COL4A6: variants seen among roughly 807,000 people sequenced by gnomAD.
COL4A6 encodes collagen type IV alpha 6 chain.
COL4A6 carries 59 observed loss-of-function variants against 126.7 expected under a neutral mutation model. The ratio of observed to expected loss-of-function variants is 0.47; its 90% CI spans 0.38 to 0.58. The LOEUF (loss-of-function observed/expected upper bound fraction) is 0.58. Among genes scored for constraint, COL4A6 ranks in the 20% least tolerant of loss-of-function variants. The pLI is 0.00. For synonymous variants in COL4A6, 547 were observed against 496.6 expected, an observed-to-expected ratio of 1.10 and a Z score of -1.35; for missense variants, 1,285 against 1,337.3, an observed-to-expected ratio of 0.96 and a Z score of 0.61.
intron 2 of COL4A6, among the ~76,000 whole-genome samples, chrX:108,364,403 T>G (rs1228956004): frequency 9.0e-6 from 1 of 110,964 alleles, no homozygotes; most frequent in East Asian, 2.8e-4. Flanking sequence ...ACATGTTTAA[T>G]GTGACTTTTG....
intron 5 of COL4A6, 135 bp downstream of exon 5, chrX:108,219,563 A>G (rs2035954436): frequency 6.8e-6 from 4 of 584,215 alleles, no homozygotes; most frequent in African/African-American, 2.2e-5. Context: ...TGCCCTTTAA[A>G]CCTCACCATA....
At chrX:108,164,452 A>C in intron 40 of COL4A6, 148 bp downstream of exon 40, 5 of 523,796 alleles carry the variant, frequency 9.5e-6, no homozygotes, top group Non-Finnish European at 1.3e-5. Context: ...TCCCCAAGGT[A>C]GAGAAACTGC....
chrX:108,297,248 G>T (rs1355096656), intron 3 of COL4A6, among the ~76,000 whole-genome samples: 1 of 112,080 alleles, frequency 8.9e-6, no homozygotes, highest in African/African-American at 3.2e-5. Flanking sequence ...TATGTTAATT[G>T]CTTTAAAGGT....
At chrX:108,272,845 C>A (rs1199759950) in intron 3 of COL4A6, among the ~76,000 whole-genome samples, 1 of 110,710 alleles carries the variant, frequency 9.0e-6, no homozygotes, top group Non-Finnish European at 1.9e-5. Flanking sequence ...CAGGTTGTAT[C>A]TCAGATTAAT....
At position 108,244,884 on chromosome X, in the gene COL4A6, T is replaced by C. The variant is rs1054225130; in HGVS notation, c.145-23510A>G. Among the ~76,000 whole-genome samples the C allele has an allele frequency of 2.7e-5, 3 of 111,729 alleles. No individual in the cohort carries two copies. In the South Asian group the frequency reaches 1.1e-3, roughly 42 times the overall value. On this transcript the variant is annotated intron_variant, in intron 3 of 44. Coordinates refer to ENST00000334504, the MANE Select transcript of COL4A6 (RefSeq NM_033641.4). ...CTAGGCTTGACCCAAGGAAAAGAGA[T>C]TTCTCTTTTCAGACACCATTCAGAT...
At chrX:108,292,934 G>A (rs2038200417) in intron 3 of COL4A6, among the ~76,000 whole-genome samples, 1 of 82,476 alleles carries the variant, frequency 1.2e-5, no homozygotes, top group Non-Finnish European at 2.2e-5. Context: ...GGATGACACA[G>A]TGAGATCCCG....
intron 3 of COL4A6, among the ~76,000 whole-genome samples, chrX:108,256,398 C>T (rs931204530): frequency 2.8e-4 from 31 of 111,981 alleles, no homozygotes; most frequent in African/African-American, 9.7e-4. Context: ...TATTATGTGT[C>T]AGGCAAGTGC....
chrX:108,296,682 C>T (rs1242018075), intron 3 of COL4A6, among the ~76,000 whole-genome samples: 1 of 111,768 alleles, frequency 8.9e-6, no homozygotes, highest in East Asian at 2.8e-4. Flanking sequence ...TGCTAACAGT[C>T]GTAGTGATGG....
chrX:108,340,063 A>C (rs772038766), intron 2 of COL4A6, among the ~76,000 whole-genome samples: 4 of 111,504 alleles, frequency 3.6e-5, no homozygotes, highest in Non-Finnish European at 7.5e-5. Context: ...ATAGCTCTGT[A>C]ATGCAGTATT....
At chrX:108,205,039 AG>A (rs2035505376) in intron 11 of COL4A6, among the ~76,000 whole-genome samples, 1 of 108,831 alleles carries the variant, frequency 9.2e-6, no homozygotes, top group African/African-American at 3.3e-5. Flanking sequence ...AGGAGGAGGA[AG>A]TGGAGGAGGG....
At position 108,175,243 on chromosome X, in the gene COL4A6, A is replaced by C. The variant is rs2034442525; in HGVS notation, c.2831-28T>G. ...GCAGGGATGGAGATCAGCATGAGAA[A>C]GAGAGCTTAGACGCAGGGTCAGGCA... On this transcript the variant is annotated intron_variant, in intron 29 of 44. Transcript: ENST00000334504. 3 of 1,147,548 alleles carry C rather than the reference A, an allele frequency of 2.6e-6. No homozygotes were observed. The South Asian group carries it at 6.5e-5, about 25-fold the overall frequency. 94.6% of individuals were successfully genotyped at this position (1,147,548 alleles called of 1,213,427 possible). A position where few individuals can be genotyped will look rare whatever the true frequency, so the allele number is the denominator to read the frequency against.
chrX:108,325,897 A>G (rs1478544708), intron 2 of COL4A6, among the ~76,000 whole-genome samples: 1 of 112,055 alleles, frequency 8.9e-6, no homozygotes, highest in East Asian at 2.8e-4. Flanking sequence ...ACTCAAAGCA[A>G]ACTAGAAATA....
At chrX:108,387,472 T>C (rs1459300592) in intron 2 of COL4A6, among the ~76,000 whole-genome samples, 1 of 111,732 alleles carries the variant, frequency 8.9e-6, no homozygotes, top group Non-Finnish European at 1.9e-5. Flanking sequence ...ATTCTGTTTG[T>C]AGTAATTGTG....
chrX:108,207,715 T>C (rs1055058403), intron 8 of COL4A6, among the ~76,000 whole-genome samples: 11 of 111,794 alleles, frequency 9.8e-5, no homozygotes, highest in Non-Finnish European at 2.1e-4. Context: ...GTGTAACAAC[T>C]TTTTACATAG....
In COL4A6 at chrX:108,187,215, T is replaced by G; in HGVS notation, c.1832A>C (p.His611Pro). The change falls in exon 23 of 45, where the codon CAT (histidine) becomes CCT (proline). Residue 611 changes from histidine (H) to proline (P), a missense_variant. By Grantham distance (77) the His-to-Pro change is moderately conservative. Transcript: ENST00000334504. The part of the protein sequence containing the change: ...GLPGLPGEKG[H>P]PGPPGLPGNG... ...TCCTGGGAGGCCAGGTGGACCAGGA[T>G]GGCCTTTTTCACCAGGAAGTCCAGG... 1 of 1,194,892 alleles carries G rather than the reference T, an allele frequency of 8.4e-7. No individual in the cohort carries two copies. Among genetic ancestry groups the G allele is most frequent in the Non-Finnish European group, 1.1e-6 (1 of 884,773 alleles).
At chrX:108,318,379 T>C (rs2038938639) in intron 2 of COL4A6, among the ~76,000 whole-genome samples, 1 of 111,311 alleles carries the variant, frequency 9.0e-6, no homozygotes, top group South Asian at 3.9e-4. Context: ...GCCAGGGCGA[T>C]TAGGCAGGAG....
chrX:108,318,046 C>T (rs1389471829), intron 2 of COL4A6, among the ~76,000 whole-genome samples: 5 of 111,757 alleles, frequency 4.5e-5, no homozygotes, highest in East Asian at 2.8e-4. Flanking sequence ...GGCTTCATCC[C>T]TGGGATGCAA....
chrX:108,224,237 C>T (rs1438576064), intron 3 of COL4A6, among the ~76,000 whole-genome samples: 1 of 112,371 alleles, frequency 8.9e-6, no homozygotes, highest in Admixed American at 9.4e-5. Flanking sequence ...CAGCCTGCTT[C>T]CTTTCTCCTG....
At chrX:108,210,598 A>T (rs1744354032) in intron 7 of COL4A6, among the ~76,000 whole-genome samples, 1 of 112,335 alleles carries the variant, frequency 8.9e-6, no homozygotes, top group African/African-American at 3.2e-5. Context: ...TTCTAAGACA[A>T]TGACCAAATT....
Sources: allele counts gnomAD v4.1 joint callset (sites outside exome capture counted in the v4.1 genomes callset), GRCh38; gene constraint gnomAD v4.1.1; transcripts MANE v1.5; gene names NCBI Gene and HGNC (gene_info 2026-07-23, HGNC 2026-07-21).